The following PCNX2 variants were observed in gnomAD, a reference collection of about 807,000 sequenced individuals.
PCNX2 encodes pecanex-like protein 2.
In PCNX2, 168 loss-of-function variants were observed where a neutral mutation model predicts 223.8. The observed-to-expected ratio is 0.75, with a 90% confidence interval of 0.66 to 0.85. The LOEUF (loss-of-function observed/expected upper bound fraction) is 0.85, where lower values mean the gene tolerates loss of function less well. Among genes scored for constraint, PCNX2 ranks in the 40% least tolerant of loss-of-function variants. PCNX2 has a pLI of 0.00. For missense variants in PCNX2, 2,507 were observed against 2,675.5 expected (o/e 0.94, Z 1.39); for synonymous variants, 1,006 against 1,052.6 (o/e 0.96, Z 0.86).
rs750733272 is a variant in PCNX2 at position 232,984,489 on chromosome 1, AAGAG to A, written c.6241-16_6241-13del. ...GGCTCGGAGAGGTGCTTCCAAAGAGAAGAGAGAAACAGTGAACAGCTCAGCAAAC... is the reference window on the plus strand; with the variant it reads ...GGCTCGGAGAGGTGCTTCCAAAGAGAAGAAACAGTGAACAGCTCAGCAAAC... On this transcript the variant is annotated splice_polypyrimidine_tract_variant and intron_variant, in intron 33 of 33. Transcript: ENST00000258229. The A allele has an allele frequency of 2.0e-5, 33 of 1,610,592 alleles. No homozygotes were observed. The highest frequency in any genetic ancestry group is 2.7e-5 in the African/African-American group (2 of 74,698).
chr1:233,187,264 T>C (rs1368753868), intron 15 of PCNX2, among the ~76,000 whole-genome samples: 1 of 152,230 alleles, frequency 6.6e-6, no homozygotes, highest in African/African-American at 2.4e-5. Flanking sequence ...TAAGTATCTA[T>C]ATTTTTCACA....
At chr1:233,304,120 C>CT in the PCNX2 span, among the ~76,000 whole-genome samples, 1 of 151,966 alleles carries the variant, frequency 6.6e-6, no homozygotes, top group Non-Finnish European at 1.5e-5. Flanking sequence ...ACTCTTAAAA[C>CT]TTTTTTAAAG....
chr1:233,252,855 A>G, intron 5 of PCNX2, 67 bp from the exon 6 acceptor site: 2 of 1,420,688 alleles, frequency 1.4e-6, no homozygotes, highest in Non-Finnish European at 1.9e-6. Context: ...CTGGGAAATA[A>G]GTTACCAAAA....
At chr1:233,249,643 C>T (rs1250769490) in intron 8 of PCNX2, among the ~76,000 whole-genome samples, 1 of 152,154 alleles carries the variant, frequency 6.6e-6, no homozygotes, top group Non-Finnish European at 1.5e-5. Context: ...GGGGCATGAA[C>T]AAGATTTCTG....
At chr1:232,992,085 A>G (rs1669722947) in intron 32 of PCNX2, among the ~76,000 whole-genome samples, 1 of 152,184 alleles carries the variant, frequency 6.6e-6, no homozygotes, top group South Asian at 2.1e-4. Flanking sequence ...AGCAAGAGAG[A>G]GGTTTTTCCT....
At chr1:233,296,816 T>G (rs1662151944), upstream of PCNX2, among the ~76,000 whole-genome samples, 1 of 152,158 alleles carries the variant, frequency 6.6e-6, no homozygotes, top group African/African-American at 2.4e-5. Context: ...GCTGCCCTAG[T>G]CAGGCCCAGT....
chr1:233,174,177 A>C (rs936101038), intron 17 of PCNX2, among the ~76,000 whole-genome samples: 1 of 109,938 alleles, frequency 9.1e-6, no homozygotes, highest in African/African-American at 3.1e-5. Flanking sequence ...ATAGTATTAT[A>C]ATAAATATGT....
At chr1:233,067,168 C>G (rs1672644322) in intron 23 of PCNX2, among the ~76,000 whole-genome samples, 1 of 151,096 alleles carries the variant, frequency 6.6e-6, no homozygotes, top group African/African-American at 2.4e-5. Flanking sequence ...TAATAGCACC[C>G]AAAATGTCCA....
chr1:233,175,812 T>C (rs1172383020), intron 17 of PCNX2, among the ~76,000 whole-genome samples: 2 of 152,214 alleles, frequency 1.3e-5, no homozygotes, highest in Non-Finnish European at 2.9e-5. Context: ...TCATATTAAG[T>C]GATTTGTCCT....
chr1:233,014,207 G>C lies in PCNX2; in HGVS notation c.4952+458C>G, dbSNP rs1670570550. Among the ~76,000 whole-genome samples the C allele has an allele frequency of 2.0e-5, 3 of 152,228 alleles. No homozygotes were observed. The South Asian group carries it at 6.2e-4, about 32-fold the overall frequency. The stretch of plus-strand genomic sequence containing the variant: ...GAGAAAGGGTTTGAAAAACAGAAGG[G>C]GCATCCAATTCATCAAAGCTCCAAG... On this transcript the variant is annotated intron_variant, in intron 28 of 33. Coordinates refer to ENST00000258229, the MANE Select transcript of PCNX2 (RefSeq NM_014801.4).
chr1:233,218,343 G>C (rs1187396934), intron 10 of PCNX2, among the ~76,000 whole-genome samples, 159 bp from the exon 11 acceptor site: 2 of 149,262 alleles, frequency 1.3e-5, no homozygotes, highest in Admixed American at 1.3e-4. Context: ...CTGCCTCCCA[G>C]GTTCAAGCAA....
chr1:233,135,331 T>C, intron 20 of PCNX2, 141 bp from the exon 21 acceptor site: 1 of 766,222 alleles, frequency 1.3e-6, no homozygotes, highest in Non-Finnish European at 2.1e-6. Context: ...GGCCCCATTA[T>C]TGTCTGCATT....
At chr1:233,311,542 A>G in the PCNX2 span, among the ~76,000 whole-genome samples, 1 of 152,252 alleles carries the variant, frequency 6.6e-6, no homozygotes, top group African/African-American at 2.4e-5. Flanking sequence ...GAATAACTTC[A>G]GTATGGAAAA....
At chr1:233,261,433 A>G in intron 3 of PCNX2, 112 bp from the exon 4 acceptor site, 2 of 943,958 alleles carry the variant, frequency 2.1e-6, no homozygotes, top group South Asian at 2.7e-5. Context: ...CATGTAGGGG[A>G]GAGACAATAC....
chr1:233,240,022 A>G (rs1658659474), intron 8 of PCNX2, among the ~76,000 whole-genome samples: 1 of 152,202 alleles, frequency 6.6e-6, no homozygotes, highest in Non-Finnish European at 1.5e-5. Context: ...TGACTGGTAT[A>G]TGTCTGCATC....
intron 12 of PCNX2, among the ~76,000 whole-genome samples, 171 bp from the exon 13 acceptor site, chr1:233,208,860 A>G (rs1438137804): frequency 6.6e-6 from 1 of 150,682 alleles, no homozygotes; most frequent in Non-Finnish European, 1.5e-5. Context: ...AACAGGAAAA[A>G]AAGAAAAGAA....
intron 9 of PCNX2, among the ~76,000 whole-genome samples, chr1:233,236,015 T>C: frequency 6.9e-6 from 1 of 145,952 alleles, no homozygotes; most frequent in Admixed American, 6.9e-5. Context: ...AGATGAGCTT[T>C]TCTAGAATGA....
At position 233,024,041 on chromosome 1, in the gene PCNX2, A is replaced by C. The variant is rs112263794; in HGVS notation, c.4605+1105T>G. Among the ~76,000 whole-genome samples the C allele has an allele frequency of 6.1e-3, 926 of 152,208 alleles. 13 individuals are homozygous for C. Among genetic ancestry groups the C allele is most frequent in the African/African-American group, 0.021 (861 of 41,530 alleles). ...AAATCTCCTGCCTCAGCCTCCTGAG[A>C]AGCTGGAACCACAGGTATGAACCCC... On this transcript the variant is annotated intron_variant, in intron 26 of 33. Coordinates refer to ENST00000258229, the MANE Select transcript of PCNX2 (RefSeq NM_014801.4).
At chr1:233,276,834 G>A (rs1302041239) in intron 1 of PCNX2, among the ~76,000 whole-genome samples, 2 of 152,196 alleles carry the variant, frequency 1.3e-5, no homozygotes, top group East Asian at 1.9e-4. Context: ...GCCAGGCACC[G>A]TGCATGGCAC....
Sources: allele counts gnomAD v4.1 joint callset (sites outside exome capture counted in the v4.1 genomes callset), GRCh38; gene constraint gnomAD v4.1.1; transcripts MANE v1.5; gene names NCBI Gene and HGNC (gene_info 2026-07-23, HGNC 2026-07-21).